The following FOXN3 variants were observed in gnomAD, a reference collection of about 807,000 sequenced individuals.
FOXN3 encodes forkhead box N3.
A neutral mutation model predicts 38.4 loss-of-function variants in FOXN3; 7 were observed. That is an observed-to-expected ratio of 0.18 (90% CI 0.10 to 0.34). FOXN3 has a LOEUF of 0.34. Among genes scored for constraint, FOXN3 ranks in the 10% least tolerant of loss-of-function variants. The pLI is 1.00. For synonymous variants in FOXN3, 230 were observed against 242.2 expected (o/e 0.95, Z 0.47); for missense variants, 456 against 613.4 (o/e 0.74, Z 2.71).
chr14:89,411,967 C>A lies in FOXN3; in HGVS notation c.510G>T (p.Lys170Asn). 6.4e-7 allele frequency: 1 copy of A among 1,568,270 alleles called. No individual in the cohort carries two copies. The highest frequency in any genetic ancestry group is 1.2e-5 in the South Asian group (1 of 85,064). The part of the protein sequence containing the change: ...NSVRHNLSLN[K>N]CFKKVDKERS... Reference sequence around the variant, plus strand: ...TCTCTTTGTCCACTTTCTTAAAACACTTATTCAATGATAAATTGTGTCTCA... The same window carrying A: ...TCTCTTTGTCCACTTTCTTAAAACAATTATTCAATGATAAATTGTGTCTCA... The change falls in exon 2 of 6, where the codon AAG becomes AAT. Residue 170 changes from lysine to asparagine, a missense_variant. Lys to Asn is a moderately conservative substitution (Grantham distance 94). Around this residue, in one of 3 missense-constraint regions of FOXN3, gnomAD observed 386 missense variants for 505.2 expected, o/e 0.76. Transcript: ENST00000557258.
At chr14:89,229,318 A>G (rs543417898) in intron 4 of FOXN3, among the ~76,000 whole-genome samples, 24 of 152,366 alleles carry the variant, frequency 1.6e-4, no homozygotes, top group Admixed American at 1.1e-3. Context: ...CTAGAGAAAC[A>G]AACATAACCC....
At chr14:89,485,154 A>C (rs1351090118) in intron 1 of FOXN3, among the ~76,000 whole-genome samples, 3 of 151,066 alleles carry the variant, frequency 2.0e-5, no homozygotes, top group African/African-American at 7.3e-5. Context: ...TCTCTCAAAA[A>C]AAAAAAAAAA....
Position 89,511,219 on chromosome 14 carries a change from C to CTT in FOXN3, c.-14-98731_-14-98730dup, listed in dbSNP as rs139255071. ...CTTTCTTTCTTTTCTTTCTTTCTTTCTTTCTTTCTTTTCTTTCCTTTTCTT... is the reference window on the plus strand; with the variant it reads ...CTTTCTTTCTTTTCTTTCTTTCTTTCTTTTTCTTTCTTTTCTTTCCTTTTCTT... On this transcript the variant is annotated intron_variant, in intron 1 of 6. Coordinates refer to the FOXN3 transcript ENST00000345097. Among the ~76,000 whole-genome samples, 71 of 14,586 alleles carry CTT rather than the reference C, an allele frequency of 4.9e-3. 10 individuals are homozygous for CTT. The highest frequency in any genetic ancestry group is 8.7e-3 in the African/African-American group (68 of 7,810). 9.6% of individuals were successfully genotyped at this position (14,586 alleles called of 152,430 possible).
At chr14:89,214,258 G>A (rs373409646) in intron 4 of FOXN3, among the ~76,000 whole-genome samples, 9 of 152,266 alleles carry the variant, frequency 5.9e-5, no homozygotes, top group African/African-American at 1.4e-4. Flanking sequence ...AGCAAGCTCC[G>A]TCATCCTCAG....
intron 2 of FOXN3, chr14:89,353,370 C>T (rs1347752455): frequency 6.6e-6 from 1 of 152,112 alleles, no homozygotes; most frequent in African/African-American, 2.4e-5. Context: ...TTCATTGAAC[C>T]ATATCTGATT....
chr14:89,316,751 C>T (rs149368669), intron 3 of FOXN3, among the ~76,000 whole-genome samples: 1,923 of 151,780 alleles, frequency 0.013, 39 homozygotes, highest in African/African-American at 0.044. Flanking sequence ...CTGCAACCTC[C>T]ACCTCCCAGG....
At chr14:89,191,366 G>A (rs952065293) in intron 4 of FOXN3, among the ~76,000 whole-genome samples, 53 of 152,232 alleles carry the variant, frequency 3.5e-4, no homozygotes, top group African/African-American at 1.3e-3. Context: ...CACTAATAGT[G>A]CGGTGATGCC....
chr14:89,491,517 A>G (rs1893575034), intron 1 of FOXN3, among the ~76,000 whole-genome samples: 1 of 152,082 alleles, frequency 6.6e-6, no homozygotes, highest in African/African-American at 2.4e-5. Context: ...AGAATTCAGG[A>G]CCCATGGACA....
chr14:89,491,105 G>A (rs1402796152), intron 1 of FOXN3, among the ~76,000 whole-genome samples: 3 of 151,956 alleles, frequency 2.0e-5, no homozygotes, highest in African/African-American at 7.3e-5. Context: ...TGGGATTACA[G>A]GCATGCGCCA....
intron 1 of FOXN3, among the ~76,000 whole-genome samples, chr14:89,431,670 G>A (rs1892161987): frequency 6.6e-6 from 1 of 152,136 alleles, no homozygotes; most frequent in Admixed American, 6.5e-5. Flanking sequence ...TTGAGTGGGA[G>A]GTACAGAGAT....
At chr14:89,411,838 C>T (rs983834452) in intron 2 of FOXN3, 96 bp downstream of exon 2, 1 of 783,356 alleles carries the variant, frequency 1.3e-6, no homozygotes, top group Non-Finnish European at 1.8e-6. Flanking sequence ...ACAACTGCTA[C>T]TTCAATGTGG....
chr14:89,538,077 A>C (rs1385790556), intron 1 of FOXN3, among the ~76,000 whole-genome samples: 2 of 152,220 alleles, frequency 1.3e-5, no homozygotes, highest in Non-Finnish European at 2.9e-5. Context: ...ATGGAACCCT[A>C]GTGATATAAA....
At chr14:89,583,335 T>C (rs1036105563) in intron 1 of FOXN3, among the ~76,000 whole-genome samples, 2 of 152,206 alleles carry the variant, frequency 1.3e-5, no homozygotes, top group Admixed American at 6.5e-5. Context: ...TCTGCCCTCA[T>C]AGATGGATTA....
intron 2 of FOXN3, among the ~76,000 whole-genome samples, chr14:89,373,923 G>A (rs980197392): frequency 5.9e-5 from 9 of 152,060 alleles, no homozygotes; most frequent in African/African-American, 1.9e-4. Flanking sequence ...ACAATACAAA[G>A]TGCTGTTCAG....
intron 1 of FOXN3, among the ~76,000 whole-genome samples, chr14:89,473,941 A>G (rs2139749850): frequency 6.6e-6 from 1 of 152,348 alleles, no homozygotes; most frequent in East Asian, 1.9e-4. Context: ...AAAAAAAAAT[A>G]AATCCACAAA....
chr14:89,321,808 TAAAA>T (rs986624918), intron 3 of FOXN3, among the ~76,000 whole-genome samples: 1 of 150,712 alleles, frequency 6.6e-6, no homozygotes, highest in Admixed American at 6.6e-5. Context: ...TTTTTTTAAA[TAAAA>T]AAACAAACAA....
intron 3 of FOXN3, among the ~76,000 whole-genome samples, chr14:89,342,586 A>C (rs1176140287): frequency 6.6e-6 from 1 of 151,940 alleles, no homozygotes; most frequent in Non-Finnish European, 1.5e-5. Context: ...CTTACAATTT[A>C]AGCCTTTCCT....
Position 89,350,796 on chromosome 14 carries a change from C to A in FOXN3, c.556G>T (p.Gly186Trp). 6.4e-7 allele frequency: 1 copy of A among 1,565,034 alleles called. No homozygotes were observed. The highest frequency in any genetic ancestry group is 8.6e-7 in the Non-Finnish European group (1 of 1,162,360). The change falls in exon 3 of 6, where the codon GGG becomes TGG. Residue 186 changes from glycine (G) to tryptophan (W), a missense_variant. By Grantham distance (184) the Gly-to-Trp change is radical. Coordinates refer to ENST00000557258, the MANE Select transcript of FOXN3 (RefSeq NM_005197.4). ...DKERSQSIGK[G>W]SLWCIDPEYR... ...TCTGGGTCTATGCACCACAACGACC[C>A]TTTCCCAATACTCTGCAAAGAAAAT...
chr14:89,330,036 T>C (rs1363865890), intron 3 of FOXN3, among the ~76,000 whole-genome samples: 1 of 152,128 alleles, frequency 6.6e-6, no homozygotes, highest in East Asian at 1.9e-4. Flanking sequence ...TAAAGTTCAA[T>C]GTAACATAAA....
Sources: gnomAD v4.1 joint callset for allele counts (sites outside exome capture counted in the v4.1 genomes callset) on GRCh38, gnomAD v4.1.1 for gene constraint, gnomAD v4.1.1 regional missense constraint, MANE v1.5 for transcripts, NCBI Gene and HGNC (gene_info 2026-07-23, HGNC 2026-07-21) for gene names.